Variants in RYR2 observed in about 807,000 individuals in gnomAD.
RYR2 encodes the protein cardiac muscle ryanodine receptor-calcium release channel.
Under a neutral mutation model 601.1 loss-of-function variants are expected in RYR2, and 227 were observed. The ratio of observed to expected loss-of-function variants is 0.38; its 90% CI spans 0.34 to 0.42. The LOEUF (loss-of-function observed/expected upper bound fraction) is 0.42, where lower values mean the gene tolerates loss of function less well. Among genes scored for constraint, RYR2 ranks in the 10% least tolerant of loss-of-function variants. RYR2 has a pLI of 1.00. For synonymous variants in RYR2, 2,223 were observed against 2,175.1 expected (o/e 1.02, Z -0.61); for missense variants, 4,646 against 6,156.5 (o/e 0.75, Z 8.21).
At position 237,638,515 on chromosome 1, in the gene RYR2, C is replaced by G. The variant is rs762054348; in HGVS notation, c.6928+23C>G. 23 of 1,611,896 alleles carry G rather than the reference C, an allele frequency of 1.4e-5. No homozygotes were observed. In the East Asian group the frequency reaches 4.9e-4, roughly 34 times the overall value. On this transcript the variant is annotated intron_variant, in intron 45 of 104. Transcript: ENST00000366574. ...ATGGTAGGACTTGATTTCTTGAGGT[C>G]TTTTGAGTTATCATTAAAACTGCAT...
chr1:237,760,620 C>A (rs1300870681), intron 83 of RYR2, among the ~76,000 whole-genome samples: 1 of 152,056 alleles, frequency 6.6e-6, no homozygotes, highest in Non-Finnish European at 1.5e-5. Context: ...ATCTGACACA[C>A]ATTTAATGTA....
At chr1:237,604,795 T>C (rs533091206) in intron 35 of RYR2, among the ~76,000 whole-genome samples, 14 of 152,114 alleles carry the variant, frequency 9.2e-5, no homozygotes, top group Admixed American at 8.5e-4. Context: ...TATAAACACC[T>C]CTATGCAAAT....
intron 29 of RYR2, among the ~76,000 whole-genome samples, chr1:237,578,802 C>T (rs977300192): frequency 2.0e-5 from 3 of 151,612 alleles, no homozygotes; most frequent in Non-Finnish European, 4.4e-5. Context: ...GGGGCATGTA[C>T]GCTCCCTCAG....
At chr1:237,111,969 G>A (rs1345784227) in intron 1 of RYR2, among the ~76,000 whole-genome samples, 1 of 152,210 alleles carries the variant, frequency 6.6e-6, no homozygotes. Context: ...GGCAGCCCAT[G>A]CCCAGCAGCT....
intron 1 of RYR2, among the ~76,000 whole-genome samples, chr1:237,061,795 G>A (rs561810691): frequency 6.6e-6 from 1 of 151,390 alleles, no homozygotes; most frequent in African/African-American, 2.4e-5. Context: ...TTAAATCATG[G>A]TTTGTGGTTT....
chr1:237,717,433 C>T (rs2149101283), intron 72 of RYR2, 65 bp downstream of exon 72: 2 of 1,274,202 alleles, frequency 1.6e-6, no homozygotes, highest in Non-Finnish European at 2.2e-6. Context: ...TGTTTGATTC[C>T]TTTGTCTCAC....
intron 13 of RYR2, among the ~76,000 whole-genome samples, chr1:237,442,827 G>C (rs1708027391): frequency 6.6e-6 from 1 of 152,110 alleles, no homozygotes; most frequent in Non-Finnish European, 1.5e-5. Flanking sequence ...GTCCAAATCA[G>C]TAACTGCTAG....
intron 35 of RYR2, among the ~76,000 whole-genome samples, chr1:237,603,454 A>T (rs1676738489): frequency 6.6e-6 from 1 of 152,168 alleles, no homozygotes; most frequent in South Asian, 2.1e-4. Context: ...TCTGGCGCCA[A>T]GTGCCCGGCC....
At chr1:237,679,539 A>G (rs965065815) in intron 61 of RYR2, among the ~76,000 whole-genome samples, 1 of 152,196 alleles carries the variant, frequency 6.6e-6, no homozygotes, top group Non-Finnish European at 1.5e-5. Flanking sequence ...AGTCCTTAGC[A>G]CTAGGGATTC....
intron 24 of RYR2, among the ~76,000 whole-genome samples, chr1:237,515,121 A>G (rs544721633): frequency 6.6e-6 from 1 of 152,284 alleles, no homozygotes; most frequent in East Asian, 1.9e-4. Context: ...TCATCTGTGT[A>G]TCGTACGGTA....
chr1:237,199,834 A>G (rs1680982162), intron 1 of RYR2, among the ~76,000 whole-genome samples: 1 of 152,224 alleles, frequency 6.6e-6, no homozygotes, highest in Non-Finnish European at 1.5e-5. Context: ...TGCATGGAAA[A>G]GCCTGAATAT....
chr1:237,045,831 C>A (rs1660508011), intron 1 of RYR2, among the ~76,000 whole-genome samples: 2 of 123,708 alleles, frequency 1.6e-5, no homozygotes, highest in South Asian at 2.5e-4. Context: ...ATTCCTCTGA[C>A]TTTAGGAAAA....
At position 237,092,009 on chromosome 1, in the gene RYR2, C is replaced by T. The variant is rs560825389; in HGVS notation, c.48+49440C>T. ...TTTGATAGCCATATGTTCATTATTTCTTTTATTTTGTCCTGTTTCTTCCTA... is the reference window on the plus strand; with the variant it reads ...TTTGATAGCCATATGTTCATTATTTTTTTTATTTTGTCCTGTTTCTTCCTA... On this transcript the variant is annotated intron_variant, in intron 1 of 104. Transcript: ENST00000366574. Among the ~76,000 whole-genome samples, 3 of 152,294 alleles carry T rather than the reference C, an allele frequency of 2.0e-5. No individual in the cohort carries two copies. The East Asian group carries it at 5.8e-4, about 29-fold the overall frequency.
intron 2 of RYR2, among the ~76,000 whole-genome samples, chr1:237,294,293 G>A (rs899814555): frequency 6.6e-6 from 1 of 152,004 alleles, no homozygotes; most frequent in South Asian, 2.1e-4. Flanking sequence ...GACTGTGCTT[G>A]GCATTCCTTT....
intron 1 of RYR2, among the ~76,000 whole-genome samples, chr1:237,125,052 T>C (rs146374881): frequency 6.6e-6 from 1 of 152,338 alleles, no homozygotes; most frequent in African/African-American, 2.4e-5. Flanking sequence ...TAGGCAGTAA[T>C]GTCTCCCTCT....
At chr1:237,328,051 T>C (rs1696332824) in intron 2 of RYR2, among the ~76,000 whole-genome samples, 1 of 152,202 alleles carries the variant, frequency 6.6e-6, no homozygotes, top group Admixed American at 6.5e-5. Flanking sequence ...GTTAGATATT[T>C]TGGATTTTTG....
At chr1:237,077,746 A>G (rs375353050) in intron 1 of RYR2, among the ~76,000 whole-genome samples, 3 of 152,326 alleles carry the variant, frequency 2.0e-5, no homozygotes, top group Non-Finnish European at 2.9e-5. Flanking sequence ...GGATACCCAG[A>G]AATTGAACTC....
chr1:237,632,389 C>CTTTTTTTT (rs11448751), intron 42 of RYR2, among the ~76,000 whole-genome samples: 5 of 127,370 alleles, frequency 3.9e-5, no homozygotes, highest in Admixed American at 8.2e-5. Context: ...AAAGTGAATT[C>CTTTTTTTT]TTTTTTTTTT....
At chr1:237,053,763 C>T (rs572527117) in intron 1 of RYR2, among the ~76,000 whole-genome samples, 1 of 152,206 alleles carries the variant, frequency 6.6e-6, no homozygotes, top group South Asian at 2.1e-4. Flanking sequence ...ACACAGTGGA[C>T]ATAACAATCA....
Sources: gnomAD v4.1 joint callset for allele counts (sites outside exome capture counted in the v4.1 genomes callset) on GRCh38, gnomAD v4.1.1 for gene constraint, MANE v1.5 for transcripts, NCBI Gene and HGNC (gene_info 2026-07-23, HGNC 2026-07-21) for gene names.